Variants in MC2R observed in about 807,000 individuals in gnomAD.
MC2R encodes melanocortin 2 receptor.
A neutral mutation model predicts 9.8 loss-of-function variants in MC2R; 9 were observed. The observed-to-expected ratio is 0.92, with a 90% CI of 0.55 to 1.60. The LOEUF (loss-of-function observed/expected upper bound fraction) is 1.60. Among genes scored for constraint, MC2R ranks in the 40% most tolerant of loss-of-function variants. The pLI is 0.00. For synonymous variants in MC2R, 185 were observed against 154.7 expected, an observed-to-expected ratio of 1.20 and a Z score of -1.45; for missense variants, 370 against 389.0, an observed-to-expected ratio of 0.95 and a Z score of 0.41.
chr18:13,884,948 A>G lies in MC2R; in HGVS notation c.571T>C (p.Cys191Arg). The change falls in exon 2 of 2, where the codon TGC (cysteine) becomes CGC (arginine). Residue 191 changes from cysteine to arginine, a missense_variant. Cys to Arg is a radical substitution (Grantham distance 180). Transcript: ENST00000327606. ...LFPLMLVFILCLYVHMFLLAR... is the reference protein window; with the variant it reads ...LFPLMLVFILRLYVHMFLLAR... Reference sequence around the variant, plus strand: ...AGCAGGAACATGTGCACATAGAGGCACAGGATGAAGACCAGCATCAGCGGG... The same window carrying G: ...AGCAGGAACATGTGCACATAGAGGCGCAGGATGAAGACCAGCATCAGCGGG... 6.2e-7 allele frequency: 1 copy of G among 1,614,100 alleles called. No homozygotes were observed. Among genetic ancestry groups the G allele is most frequent in the Non-Finnish European group, 8.5e-7 (1 of 1,180,000 alleles).
At chr18:13,907,984 C>T (rs2045423150) in intron 1 of MC2R, among the ~76,000 whole-genome samples, 1 of 152,078 alleles carries the variant, frequency 6.6e-6, no homozygotes, top group Admixed American at 6.6e-5. Context: ...TGACTCAAAA[C>T]ACTAAAAATA....
At chr18:13,888,695 G>A (rs1762168447) in intron 1 of MC2R, among the ~76,000 whole-genome samples, 1 of 152,212 alleles carries the variant, frequency 6.6e-6, no homozygotes, top group African/African-American at 2.4e-5. Context: ...TCAGTGCCAA[G>A]TAGGATTTGT....
chr18:13,895,816 G>T (rs1347885822), intron 1 of MC2R, among the ~76,000 whole-genome samples: 2 of 152,132 alleles, frequency 1.3e-5, no homozygotes, highest in African/African-American at 4.8e-5. Flanking sequence ...AGCAAATTCT[G>T]TGAGAAGGTG....
intron 1 of MC2R, among the ~76,000 whole-genome samples, chr18:13,908,026 T>C (rs1049476085): frequency 6.6e-6 from 1 of 152,120 alleles, no homozygotes; most frequent in Non-Finnish European, 1.5e-5. Context: ...ATCCCACTAC[T>C]GGGTATATAT....
At chr18:13,915,671 A>C (rs2045471867), upstream of MC2R, 1 of 152,296 alleles carries the variant, frequency 6.6e-6, no homozygotes, top group African/African-American at 2.4e-5. Context: ...CATTTCTGGT[A>C]ATGTGAAGTT....
chr18:13,885,937 A>G (rs974405235), intron 1 of MC2R, among the ~76,000 whole-genome samples: 2 of 152,220 alleles, frequency 1.3e-5, no homozygotes, highest in African/African-American at 4.8e-5. Flanking sequence ...AGCAACATGG[A>G]TGGAAGTGGA....
chr18:13,906,882 A>G (rs1454603686), intron 1 of MC2R, among the ~76,000 whole-genome samples: 1 of 152,248 alleles, frequency 6.6e-6, no homozygotes, highest in Non-Finnish European at 1.5e-5. Flanking sequence ...AGAGGACACC[A>G]TAAAACAGAA....
At chr18:13,899,746 T>C (rs2045367720) in intron 1 of MC2R, among the ~76,000 whole-genome samples, 1 of 152,172 alleles carries the variant, frequency 6.6e-6, no homozygotes, top group South Asian at 2.1e-4. Context: ...CTGAGAATAG[T>C]ATATCCAGTG....
chr18:13,910,115 T>G (rs2045436391), intron 1 of MC2R, among the ~76,000 whole-genome samples: 1 of 152,226 alleles, frequency 6.6e-6, no homozygotes, highest in African/African-American at 2.4e-5. Context: ...AGATCTATGT[T>G]TAAAATAATT....
Position 13,884,622 on chromosome 18 carries a change from A to C in MC2R, c.*3T>G. ...TGGATTCTAAAACCAGGGATCAGCC[A>C]TTCTACCAGTACCTGCTGCAGAAGA... is the stretch of plus-strand genomic sequence containing the variant. On this transcript the variant is annotated 3_prime_UTR_variant, in exon 2 of 2. Transcript: ENST00000327606. The C allele has an allele frequency of 6.2e-7, 1 of 1,612,046 alleles. No homozygotes were observed. The highest frequency in any genetic ancestry group is 8.5e-7 in the Non-Finnish European group (1 of 1,180,014).
In MC2R at chr18:13,885,376, G is replaced by A. The variant is rs1567895930; in HGVS notation, c.143C>T (p.Ala48Val). The A allele has an allele frequency of 1.9e-6, 3 of 1,614,188 alleles. No individual in the cohort carries two copies. The highest frequency in any genetic ancestry group is 2.5e-6 in the Non-Finnish European group (3 of 1,180,030). Residue 48 changes from alanine to valine, a missense_variant, in exon 2 of 2, where the codon GCT (alanine) becomes GTT (valine). Coordinates refer to ENST00000327606, the MANE Select transcript of MC2R (RefSeq NM_000529.2). ...CTGGAGATTCTTATTCTTGAACACA[G>A]CCAGCAGGACGATCAGATTCTCCAA... Reference protein sequence around the residue: ...GVLENLIVLLAVFKNKNLQAP... With the variant: ...GVLENLIVLLVVFKNKNLQAP...
In MC2R at chr18:13,897,527, C is replaced by G. The variant is rs190761141; in HGVS notation, c.-128-11881G>C. Among the ~76,000 whole-genome samples the G allele has an allele frequency of 7.5e-4, 114 of 152,252 alleles. 3 individuals are homozygous for G. The highest frequency in any genetic ancestry group is 7.8e-4 in the Admixed American group (12 of 15,298). On this transcript the variant is annotated intron_variant, in intron 1 of 1. Transcript: ENST00000327606. The stretch of plus-strand genomic sequence containing the variant: ...GGGGGCGCACAACCTACTGAGATAC[C>G]AGCTGGGGTGGCTAAGGGAGTGCTG...
At chr18:13,896,861 ATTAG>A (rs1436203628) in intron 1 of MC2R, among the ~76,000 whole-genome samples, 3 of 152,242 alleles carry the variant, frequency 2.0e-5, no homozygotes, top group Non-Finnish European at 2.9e-5. Flanking sequence ...GTGATTAAAG[ATTAG>A]TTAAATATAC....
intron 1 of MC2R, among the ~76,000 whole-genome samples, chr18:13,889,946 A>G (rs1298641149): frequency 6.6e-6 from 1 of 152,196 alleles, no homozygotes; most frequent in African/African-American, 2.4e-5. Context: ...TTTGTGTTGC[A>G]CAGCTGGGAT....
chr18:13,893,273 C>T (rs1193408168), intron 1 of MC2R, among the ~76,000 whole-genome samples: 1 of 152,150 alleles, frequency 6.6e-6, no homozygotes, highest in Non-Finnish European at 1.5e-5. Flanking sequence ...TCCACTGTGG[C>T]GTGGGGTGGC....
At chr18:13,892,273 G>A (rs1333668846) in intron 1 of MC2R, among the ~76,000 whole-genome samples, 3 of 152,224 alleles carry the variant, frequency 2.0e-5, no homozygotes, top group African/African-American at 7.2e-5. Flanking sequence ...CCCTCTGAAA[G>A]GGGAAGAGTT....
chr18:13,885,666 A>G lies in MC2R; in HGVS notation c.-128-20T>C. 1 of 852,406 alleles carries G rather than the reference A, an allele frequency of 1.2e-6. No individual in the cohort carries two copies. The allele number at this position is 852,406 out of a possible 1,614,324, so 52.8% of individuals were successfully genotyped here. ...AATCACCTAAAAGGGAGTATACAGAAATATTAGTTGCAAAGTACACTAGAA... is the reference window on the plus strand; with the variant it reads ...AATCACCTAAAAGGGAGTATACAGAGATATTAGTTGCAAAGTACACTAGAA... On this transcript the variant is annotated intron_variant, in intron 1 of 1. Transcript: ENST00000327606.
At chr18:13,910,905 C>T (rs192620732) in intron 1 of MC2R, among the ~76,000 whole-genome samples, 1 of 152,374 alleles carries the variant, frequency 6.6e-6, no homozygotes, top group Non-Finnish European at 1.5e-5. Flanking sequence ...ACAAAACCAA[C>T]ACCAGTCACC....
chr18:13,912,207 G>A (rs975535822), intron 1 of MC2R, among the ~76,000 whole-genome samples: 7 of 152,142 alleles, frequency 4.6e-5, no homozygotes, highest in African/African-American at 1.7e-4. Flanking sequence ...AATGTTAAAG[G>A]TTGGAGACAG....
Sources: allele counts gnomAD v4.1 joint callset (sites outside exome capture counted in the v4.1 genomes callset), GRCh38; gene constraint gnomAD v4.1.1; transcripts MANE v1.5; gene names NCBI Gene and HGNC (gene_info 2026-07-23, HGNC 2026-07-21).